Variants in ADAMTS12 observed in about 807,000 individuals in gnomAD.
ADAMTS12 encodes ADAM metallopeptidase with thrombospondin type 1 motif 12.
In ADAMTS12, 118 loss-of-function variants were observed where a neutral mutation model predicts 167.8. The ratio of observed to expected loss-of-function variants is 0.70; its 90% CI spans 0.61 to 0.82. The LOEUF (loss-of-function observed/expected upper bound fraction) is 0.82, where lower values mean the gene tolerates loss of function less well. Among genes scored for constraint, ADAMTS12 ranks in the 40% least tolerant of loss-of-function variants. ADAMTS12 has a pLI of 0.00. For missense variants in ADAMTS12, 1,916 were observed against 1,998.8 expected (o/e 0.96, Z 0.79); for synonymous variants, 704 against 716.9 (o/e 0.98, Z 0.29).
intron 2 of ADAMTS12, among the ~76,000 whole-genome samples, chr5:33,868,276 A>G (rs1237207378): frequency 1.3e-5 from 2 of 152,230 alleles, no homozygotes; most frequent in Admixed American, 6.5e-5. Flanking sequence ...GAACTGGATA[A>G]CAGGCAGAGG....
At chr5:33,796,689 C>T (rs1326113276) in intron 2 of ADAMTS12, among the ~76,000 whole-genome samples, 1 of 152,090 alleles carries the variant, frequency 6.6e-6, no homozygotes, top group African/African-American at 2.4e-5. Context: ...GAGTTTCTTC[C>T]CTTTCCTAAG....
intron 3 of ADAMTS12, among the ~76,000 whole-genome samples, chr5:33,735,064 C>T (rs992562532): frequency 6.6e-6 from 1 of 152,186 alleles, no homozygotes; most frequent in Non-Finnish European, 1.5e-5. Flanking sequence ...ATAACAATAA[C>T]TAATATACAT....
chr5:33,745,649 C>T (rs920527345), intron 3 of ADAMTS12, among the ~76,000 whole-genome samples: 2 of 151,962 alleles, frequency 1.3e-5, no homozygotes, highest in African/African-American at 4.8e-5. Flanking sequence ...ACCCAGACAC[C>T]TGAAGTGATG....
rs1744296715 is a variant in ADAMTS12, at chr5:33,534,836, C to T, written c.4603G>A (p.Ala1535Thr). Reference protein sequence around the residue: ...KCNQQACKKSADLLCTKDKLS... With the variant: ...KCNQQACKKSTDLLCTKDKLS... ...CCGAGCAAACCCATTCACCCACCGG[C>T]ACTTTTCTTGCAGGCCTGCTGGTTG... Residue 1535 changes from alanine (A) to threonine (T), a missense_variant, in exon 23 of 24, where the codon GCC becomes ACC. Ala to Thr is a moderately conservative substitution (Grantham distance 58). Transcript: ENST00000504830. 1 of 1,611,846 alleles carries T rather than the reference C, an allele frequency of 6.2e-7. No homozygotes were observed. The highest frequency in any genetic ancestry group is 1.3e-5 in the African/African-American group (1 of 74,910).
At chr5:33,827,291 G>A (rs972496717) in intron 2 of ADAMTS12, among the ~76,000 whole-genome samples, 1 of 132,268 alleles carries the variant, frequency 7.6e-6, no homozygotes, top group African/African-American at 2.7e-5. Flanking sequence ...AAGAAATGCA[G>A]TTAGTCTCTA....
chr5:33,597,783 T>A (rs1737979765), intron 16 of ADAMTS12, among the ~76,000 whole-genome samples: 1 of 152,058 alleles, frequency 6.6e-6, no homozygotes, highest in Non-Finnish European at 1.5e-5. Context: ...GAGACTCGGA[T>A]CATTGACATC....
Position 33,577,007 on chromosome 5 carries a change from TG to T in ADAMTS12, c.3018del (p.Asn1006LysfsTer14). ...CPSSRRVLKP[N>X]KGTISNGKNP... ...TTTTTTCCATTGGAAATAGTGCCTT[TG>T]TTTGGTTTCAGAACTCTCCGGCTAG... is the stretch of plus-strand genomic sequence containing the variant. On this transcript the variant is annotated frameshift_variant, in exon 19 of 24. Transcript: ENST00000504830. LOFTEE classifies it high-confidence loss of function. 1 of 1,614,198 alleles carries T rather than the reference TG, an allele frequency of 6.2e-7. No individual in the cohort carries two copies. Among genetic ancestry groups the T allele is most frequent in the Non-Finnish European group, 8.5e-7 (1 of 1,180,030 alleles).
intron 22 of ADAMTS12, among the ~76,000 whole-genome samples, chr5:33,545,323 G>T (rs1243779255): frequency 1.3e-5 from 2 of 152,104 alleles, no homozygotes; most frequent in Non-Finnish European, 2.9e-5. Context: ...ACCATCTCAT[G>T]CCAGTTAGAA....
Position 33,847,578 on chromosome 5 carries a change from G to A in ADAMTS12, c.489+33541C>T, listed in dbSNP as rs138287907. 4.2e-3 allele frequency among the ~76,000 whole-genome samples: 644 copies of A among 151,896 alleles called. 5 individuals are homozygous for A. Among genetic ancestry groups the A allele is most frequent in the African/African-American group, 0.012 (516 of 41,402 alleles). ...ATGGAGATTGTGGTGAGCCGAGATC[G>A]CGCCATTGCACTCCAGCCTGGGCAA... is the stretch of plus-strand genomic sequence containing the variant. On this transcript the variant is annotated intron_variant, in intron 2 of 23. Coordinates refer to ENST00000504830, the MANE Select transcript of ADAMTS12 (RefSeq NM_030955.4).
intron 2 of ADAMTS12, among the ~76,000 whole-genome samples, chr5:33,761,094 C>T (rs1323228665): frequency 2.0e-5 from 3 of 152,230 alleles, no homozygotes; most frequent in Non-Finnish European, 4.4e-5. Flanking sequence ...AAAGCACTTT[C>T]CCCGTGGGAA....
At chr5:33,836,886 T>C (rs959633705) in intron 2 of ADAMTS12, among the ~76,000 whole-genome samples, 1 of 151,814 alleles carries the variant, frequency 6.6e-6, no homozygotes, top group African/African-American at 2.4e-5. Context: ...AGAGAGGTCA[T>C]CTGGCCTCCG....
chr5:33,559,317 A>T (rs752769834), intron 20 of ADAMTS12, among the ~76,000 whole-genome samples: 3 of 152,160 alleles, frequency 2.0e-5, no homozygotes, highest in Non-Finnish European at 4.4e-5. Flanking sequence ...AAACAGGTAT[A>T]TGCACAGCTC....
chr5:33,558,382 TATATTTTAG>T (rs1237587465), intron 20 of ADAMTS12, among the ~76,000 whole-genome samples: 4 of 152,202 alleles, frequency 2.6e-5, no homozygotes, highest in African/African-American at 9.7e-5. Context: ...TTTTGAGGAT[TATATTTTAG>T]ATATAGTAGT....
chr5:33,648,522 A>G (rs1049601748), intron 9 of ADAMTS12, among the ~76,000 whole-genome samples: 16 of 152,186 alleles, frequency 1.1e-4, no homozygotes, highest in Non-Finnish European at 2.1e-4. Flanking sequence ...TTTAGGGATT[A>G]AGTTGGTTGC....
At chr5:33,620,586 T>C (rs1271216468) in intron 14 of ADAMTS12, among the ~76,000 whole-genome samples, 3 of 152,234 alleles carry the variant, frequency 2.0e-5, no homozygotes, top group African/African-American at 7.2e-5. Context: ...ACTGCATCTT[T>C]GGTTTGTTTA....
chr5:33,570,350 G>C (rs909736169), intron 19 of ADAMTS12, among the ~76,000 whole-genome samples: 47 of 152,282 alleles, frequency 3.1e-4, no homozygotes, highest in Non-Finnish European at 6.2e-4. Context: ...CAGAGAGAAA[G>C]GTCGGGTTAC....
At position 33,588,722 on chromosome 5, in the gene ADAMTS12, C is replaced by T. The variant is rs1418428196; in HGVS notation, c.2742G>A (p.Met914Ile). ...KKRTVLCIQT[M>I]VSDEQALPPT... ...GCGGGAGAGCCTGCTCGTCAGAGAC[C>T]ATGGTCTGGATGCACAGCACGGTTC... The change falls in exon 18 of 24, where the codon ATG becomes ATA. Residue 914 changes from methionine (M) to isoleucine (I), a missense_variant. Transcript: ENST00000504830. 1 of 1,614,172 alleles carries T rather than the reference C, an allele frequency of 6.2e-7. No homozygotes were observed. The highest frequency in any genetic ancestry group is 8.5e-7 in the Non-Finnish European group (1 of 1,180,026).
chr5:33,788,481 T>C (rs1357397703), intron 2 of ADAMTS12, among the ~76,000 whole-genome samples: 1 of 152,122 alleles, frequency 6.6e-6, no homozygotes. Flanking sequence ...AAGGTAGGAC[T>C]GCTAAAATAT....
At chr5:33,618,965 G>T (rs2112106796) in intron 14 of ADAMTS12, among the ~76,000 whole-genome samples, 1 of 152,300 alleles carries the variant, frequency 6.6e-6, no homozygotes, top group East Asian at 1.9e-4. Flanking sequence ...TTTCCAAAGA[G>T]TATTGGGTGT....
Sources: allele counts gnomAD v4.1 joint callset (sites outside exome capture counted in the v4.1 genomes callset), GRCh38; gene constraint gnomAD v4.1.1; transcripts MANE v1.5; gene names NCBI Gene and HGNC (gene_info 2026-07-23, HGNC 2026-07-21).